Variants in DAB1 observed in about 807,000 individuals in gnomAD.
DAB1 encodes the protein disabled homolog 1.
Under a neutral mutation model 64.6 loss-of-function variants are expected in DAB1, and 15 were observed. The ratio of observed to expected loss-of-function variants is 0.23; its 90% CI spans 0.16 to 0.36. The LOEUF is 0.36. DAB1 is among the 10% of genes least tolerant of loss of function. The pLI is 1.00. For synonymous variants in DAB1, 235 were observed against 251.9 expected (o/e 0.93, Z 0.64); for missense variants, 596 against 706.7 (o/e 0.84, Z 1.78).
intron 3 of DAB1, among the ~76,000 whole-genome samples, chr1:58,358,441 T>C (rs1408127102): frequency 6.6e-6 from 1 of 152,028 alleles, no homozygotes; most frequent in Non-Finnish European, 1.5e-5. Context: ...GCCACCAACA[T>C]CTAGTTAAGG....
chr1:58,002,244 G>C lies in DAB1; in HGVS notation n.388-118082C>G, dbSNP rs535092330. Among the ~76,000 whole-genome samples, 18 of 152,320 alleles carry C rather than the reference G, an allele frequency of 1.2e-4. No individual in the cohort carries two copies. In the South Asian group the frequency reaches 3.7e-3, roughly 32 times the overall value. On this transcript the variant is annotated intron_variant and non_coding_transcript_variant, in intron 5 of 20. Transcript: ENST00000485760. Reference sequence around the variant, plus strand: ...ATATTAAGTTCAGAGTTTTTGGACGGTCCCTCTGTTTGGTTAGTCTGTGAC... The same window carrying C: ...ATATTAAGTTCAGAGTTTTTGGACGCTCCCTCTGTTTGGTTAGTCTGTGAC...
chr1:57,206,968 CTTT>C (rs201111039), intron 2 of DAB1, among the ~76,000 whole-genome samples: 2 of 84,474 alleles, frequency 2.4e-5, no homozygotes, highest in East Asian at 3.0e-4. Flanking sequence ...TCCTTCCTTC[CTTT>C]TTTTTTTTTT....
At chr1:57,111,486 G>C (rs1282402299) in intron 4 of DAB1, among the ~76,000 whole-genome samples, 2 of 152,146 alleles carry the variant, frequency 1.3e-5, no homozygotes, top group Admixed American at 6.5e-5. Flanking sequence ...ATTTCTGCCT[G>C]TGTGTACAAG....
At chr1:57,533,394 T>A (rs1644687767) in intron 7 of DAB1, among the ~76,000 whole-genome samples, 1 of 149,632 alleles carries the variant, frequency 6.7e-6, no homozygotes, top group Non-Finnish European at 1.5e-5. Flanking sequence ...GTTTAATGAT[T>A]TTTTTTTTTA....
intron 5 of DAB1, among the ~76,000 whole-genome samples, chr1:58,133,071 C>A (rs1019602021): frequency 2.0e-5 from 3 of 152,182 alleles, no homozygotes; most frequent in African/African-American, 4.8e-5. Context: ...CTGAATGTTT[C>A]TCTGTCCCCT....
intron 6 of DAB1, among the ~76,000 whole-genome samples, chr1:57,716,925 A>T (rs1647090956): frequency 6.6e-6 from 1 of 152,090 alleles, no homozygotes. Context: ...GAAAAGACTT[A>T]AATAGACATT....
chr1:57,686,335 A>G (rs1402678628), intron 6 of DAB1, among the ~76,000 whole-genome samples: 1 of 152,216 alleles, frequency 6.6e-6, no homozygotes, highest in African/African-American at 2.4e-5. Context: ...ACAACCTCCT[A>G]AGATTGAACC....
chr1:58,117,891 G>A (rs1286314880), intron 5 of DAB1, among the ~76,000 whole-genome samples: 2 of 150,706 alleles, frequency 1.3e-5, no homozygotes, highest in Non-Finnish European at 3.0e-5. Flanking sequence ...GCCAGGTGGG[G>A]GTACAGACAT....
intron 4 of DAB1, among the ~76,000 whole-genome samples, chr1:58,162,018 G>T (rs1655563435): frequency 1.3e-5 from 2 of 152,108 alleles, no homozygotes; most frequent in African/African-American, 4.8e-5. Context: ...GAGAAGGGAG[G>T]AGGTAACAAT....
intron 4 of DAB1, among the ~76,000 whole-genome samples, chr1:58,326,854 C>T (rs147483324): frequency 1.6e-4 from 25 of 152,324 alleles, no homozygotes; most frequent in African/African-American, 6.0e-4. Flanking sequence ...ATCCCCATCC[C>T]AGACACTCTG....
intron 4 of DAB1, among the ~76,000 whole-genome samples, chr1:57,114,363 A>G (rs948550424): frequency 2.0e-5 from 3 of 152,178 alleles, no homozygotes; most frequent in Admixed American, 1.3e-4. Context: ...AATTTAATAG[A>G]TTCACTTAAA....
intron 7 of DAB1, among the ~76,000 whole-genome samples, chr1:57,468,421 T>C (rs984678707): frequency 2.6e-5 from 4 of 152,212 alleles, no homozygotes; most frequent in Non-Finnish European, 5.9e-5. Flanking sequence ...ATGGTAAATG[T>C]ATTTTTCAAT....
chr1:57,138,910 C>A (rs1346775313), intron 3 of DAB1, among the ~76,000 whole-genome samples: 1 of 152,230 alleles, frequency 6.6e-6, no homozygotes, highest in Admixed American at 6.5e-5. Flanking sequence ...GTGCATGGAA[C>A]TTTTTTTATT....
chr1:57,456,145 G>A (rs1347226757), intron 7 of DAB1, among the ~76,000 whole-genome samples: 1 of 152,174 alleles, frequency 6.6e-6, no homozygotes, highest in Non-Finnish European at 1.5e-5. Flanking sequence ...ATCACACAGA[G>A]TGAGCTTCTT....
intron 7 of DAB1, among the ~76,000 whole-genome samples, chr1:57,467,378 AACTGAGGTCC>A (rs1686987123): frequency 6.6e-6 from 1 of 152,182 alleles, no homozygotes. Flanking sequence ...CTTACTACTC[AACTGAGGTCC>A]ACAGGCCAGC....
intron 11 of DAB1, among the ~76,000 whole-genome samples, chr1:57,022,174 C>T (rs1461238016): frequency 1.3e-5 from 2 of 152,144 alleles, no homozygotes; most frequent in Non-Finnish European, 2.9e-5. Context: ...AACATGCCTG[C>T]AAATTTGTAA....
intron 4 of DAB1, among the ~76,000 whole-genome samples, chr1:58,230,050 C>T (rs1659702390): frequency 6.6e-6 from 1 of 152,182 alleles, no homozygotes; most frequent in Non-Finnish European, 1.5e-5. Flanking sequence ...TACATCACGC[C>T]ATTGCTCCTA....
chr1:57,317,065 A>T (rs756320930), intron 1 of DAB1, among the ~76,000 whole-genome samples: 2 of 152,192 alleles, frequency 1.3e-5, no homozygotes, highest in Non-Finnish European at 2.9e-5. Flanking sequence ...TTGCCCTCTC[A>T]TTAGCTTGCT....
intron 3 of DAB1, among the ~76,000 whole-genome samples, chr1:58,445,797 G>A (rs1048124340): frequency 4.6e-5 from 7 of 152,254 alleles, no homozygotes; most frequent in African/African-American, 1.7e-4. Flanking sequence ...CACTCCACTT[G>A]TTATTCCCAA....
Sources: allele counts gnomAD v4.1 joint callset (sites outside exome capture counted in the v4.1 genomes callset), GRCh38; gene constraint gnomAD v4.1.1; transcripts MANE v1.5; gene names NCBI Gene and HGNC (gene_info 2026-07-23, HGNC 2026-07-21).